TTC29: variants seen among roughly 807,000 people sequenced by gnomAD.
TTC29 encodes the protein tetratricopeptide repeat domain 29, also known as tetratricopeptide repeat protein 29.
In TTC29, 49 loss-of-function variants were observed where a neutral mutation model predicts 58.1. That is an observed-to-expected ratio of 0.84 (90% CI 0.67 to 1.07). TTC29 has a LOEUF of 1.07. TTC29 is among the 50% of genes least tolerant of loss of function. The pLI is 0.00. For missense variants in TTC29, 582 were observed against 555.6 expected, an observed-to-expected ratio of 1.05 and a Z score of -0.48; for synonymous variants, 209 against 196.8, an observed-to-expected ratio of 1.06 and a Z score of -0.52.
chr4:146,874,596 T>G, intron 7 of TTC29, 120 bp downstream of exon 7: 1 of 805,340 alleles, frequency 1.2e-6, no homozygotes, highest in Non-Finnish European at 2.0e-6. Flanking sequence ...TTGATGGCAT[T>G]TGTCTTTGCA....
At chr4:146,786,820 C>G (rs914566396) in intron 11 of TTC29, among the ~76,000 whole-genome samples, 5 of 151,940 alleles carry the variant, frequency 3.3e-5, no homozygotes, top group African/African-American at 1.2e-4. Context: ...TTATAAAAGT[C>G]ACTGAACTAA....
At chr4:146,876,934 C>CAAAAA (rs776037799) in intron 6 of TTC29, among the ~76,000 whole-genome samples, 8 of 59,168 alleles carry the variant, frequency 1.4e-4, no homozygotes, top group East Asian at 4.5e-4. Context: ...GACTCCATCT[C>CAAAAA]AAAAAAAAAA....
At chr4:146,718,356 T>A (rs1743093243) in intron 11 of TTC29, among the ~76,000 whole-genome samples, 1 of 152,210 alleles carries the variant, frequency 6.6e-6, no homozygotes. Flanking sequence ...GGGTTCCCTT[T>A]TCTCCACCTC....
At chr4:146,825,450 C>A (rs1727725315) in intron 9 of TTC29, among the ~76,000 whole-genome samples, 2 of 152,194 alleles carry the variant, frequency 1.3e-5, no homozygotes, top group Non-Finnish European at 2.9e-5. Flanking sequence ...AATTTGATTG[C>A]ACTGTGATCT....
In TTC29 at chr4:146,713,867, C is replaced by T. The variant is rs17021809; in HGVS notation, c.1331-6316G>A. ...GAATTTCTTTTTCTGGGCATCTAAA[C>T]TTTTAATGAGAATATCTGATTCAGG... On this transcript the variant is annotated intron_variant, in intron 11 of 12. Transcript: ENST00000325106. Among the ~76,000 whole-genome samples the T allele has an allele frequency of 4.3e-3, 657 of 152,176 alleles. 5 individuals carry two copies. The highest frequency in any genetic ancestry group is 0.015 in the African/African-American group (630 of 41,534).
chr4:146,783,653 T>C (rs1301750237), intron 11 of TTC29, among the ~76,000 whole-genome samples: 1 of 152,094 alleles, frequency 6.6e-6, no homozygotes, highest in African/African-American at 2.4e-5. Context: ...TCATCATATT[T>C]TTGGTATTTC....
chr4:146,877,894 A>G (rs28497709), intron 6 of TTC29, among the ~76,000 whole-genome samples: 45,309 of 152,044 alleles, frequency 0.3, 7,097 homozygotes, highest in South Asian at 0.43. Flanking sequence ...ACTGATATCC[A>G]TCTCCAAAAT....
chr4:146,773,841 T>C (rs1021180388), intron 11 of TTC29, among the ~76,000 whole-genome samples: 1 of 152,010 alleles, frequency 6.6e-6, no homozygotes, highest in Admixed American at 6.6e-5. Flanking sequence ...TTTATATATC[T>C]GGTAGAATTC....
intron 6 of TTC29, among the ~76,000 whole-genome samples, chr4:146,888,856 G>A (rs1011249356): frequency 1.3e-5 from 2 of 152,064 alleles, no homozygotes; most frequent in Non-Finnish European, 2.9e-5. Flanking sequence ...AGCAGACAGC[G>A]TCTGCTCCAA....
chr4:146,837,780 A>G (rs1728606769), intron 8 of TTC29, among the ~76,000 whole-genome samples: 1 of 152,070 alleles, frequency 6.6e-6, no homozygotes, highest in Non-Finnish European at 1.5e-5. Flanking sequence ...CAAATCAGAG[A>G]TAGGCAAACA....
intron 6 of TTC29, among the ~76,000 whole-genome samples, chr4:146,891,036 A>G (rs1016053591): frequency 6.6e-6 from 1 of 152,068 alleles, no homozygotes; most frequent in Non-Finnish European, 1.5e-5. Flanking sequence ...GGAAAGTACA[A>G]GAGAAGGAAA....
chr4:146,898,379 ATAGAGATACAC>A (rs1256980031), intron 6 of TTC29, among the ~76,000 whole-genome samples: 1 of 152,188 alleles, frequency 6.6e-6, no homozygotes, highest in Admixed American at 6.6e-5. Context: ...CTGGCAATTT[ATAGAGATACAC>A]TAGCTAGTGT....
At chr4:146,747,985 G>A (rs540252501) in intron 11 of TTC29, among the ~76,000 whole-genome samples, 1 of 152,340 alleles carries the variant, frequency 6.6e-6, no homozygotes, top group South Asian at 2.1e-4. Context: ...AGTCACAGTG[G>A]CATCTTGCCA....
At chr4:146,761,705 T>C (rs1235591416) in intron 11 of TTC29, among the ~76,000 whole-genome samples, 1 of 144,242 alleles carries the variant, frequency 6.9e-6, no homozygotes, top group African/African-American at 2.5e-5. Flanking sequence ...GTCTCTTTGC[T>C]CCCTTTTACT....
At chr4:146,937,760 T>C (rs942242922) in intron 3 of TTC29, 83 bp from the exon 4 acceptor site, 5 of 763,896 alleles carry the variant, frequency 6.5e-6, no homozygotes, top group Admixed American at 3.3e-5. Flanking sequence ...ACCAGGAGAA[T>C]AGAAATATTC....
chr4:146,777,715 A>C (rs1290750617), intron 11 of TTC29, among the ~76,000 whole-genome samples: 1 of 152,152 alleles, frequency 6.6e-6, no homozygotes, highest in East Asian at 1.9e-4. Flanking sequence ...GGCATGACTA[A>C]AATTATATCA....
intron 8 of TTC29, among the ~76,000 whole-genome samples, chr4:146,835,397 T>C (rs2150160220): frequency 6.6e-6 from 1 of 152,318 alleles, no homozygotes; most frequent in African/African-American, 2.4e-5. Context: ...TTATAAGAGA[T>C]CTTTTGGAAT....
rs532503842 is a variant in TTC29 at position 146,909,169 on chromosome 4, G to A, written c.257C>T (p.Ala86Val). The change falls in exon 5 of 13, where the codon GCT (alanine) becomes GTT (valine). Residue 86 changes from alanine to valine, a missense_variant. By Grantham distance (64) the Ala-to-Val change is moderately conservative. Coordinates refer to ENST00000325106, the MANE Select transcript of TTC29 (RefSeq NM_031956.4). ...GYHKSFTELF[A>V]LMERWDALRE... ...CAGGGCATCCCACCGCTCCATCAGA[G>A]CGAAGAGCTCGGTGAAGGACTTATG... The A allele has an allele frequency of 4.3e-6, 7 of 1,613,842 alleles. No individual in the cohort carries two copies. Among genetic ancestry groups the A allele is most frequent in the East Asian group, 4.5e-5 (2 of 44,830 alleles).
chr4:146,793,218 G>A (rs1474274433), intron 11 of TTC29, among the ~76,000 whole-genome samples: 1 of 152,148 alleles, frequency 6.6e-6, no homozygotes, highest in Non-Finnish European at 1.5e-5. Context: ...TGGGTAAAAT[G>A]CTATCAAACA....
Sources: gnomAD v4.1 joint callset for allele counts (sites outside exome capture counted in the v4.1 genomes callset) on GRCh38, gnomAD v4.1.1 for gene constraint, MANE v1.5 for transcripts, NCBI Gene and HGNC (gene_info 2026-07-23, HGNC 2026-07-21) for gene names.